Variants in FSTL5 observed in about 807,000 individuals in gnomAD.
FSTL5 encodes the protein follistatin like 5.
FSTL5 carries 62 observed loss-of-function variants against 89.1 expected under a neutral mutation model. The observed-to-expected ratio is 0.70, with a 90% CI of 0.57 to 0.86. The LOEUF (loss-of-function observed/expected upper bound fraction) is 0.86, where lower values mean the gene tolerates loss of function less well. Ranked by LOEUF, FSTL5 falls within the 40% of genes least tolerant of loss-of-function variation. The probability of loss-of-function intolerance (pLI) is 0.00; values close to 1 mark genes in which losing one functional copy is unlikely to be tolerated. For missense variants in FSTL5, 1,057 were observed against 1,001.6 expected (o/e 1.06, Z -0.75); for synonymous variants, 383 against 346.2 (o/e 1.11, Z -1.18).
At chr4:162,010,067 T>C (rs1441246240) in intron 3 of FSTL5, among the ~76,000 whole-genome samples, 3 of 152,064 alleles carry the variant, frequency 2.0e-5, no homozygotes, top group African/African-American at 7.2e-5. Flanking sequence ...TTCTGAATGA[T>C]TTCTTGATGC....
At chr4:161,950,535 A>T (rs1360631685) in intron 3 of FSTL5, among the ~76,000 whole-genome samples, 1 of 152,130 alleles carries the variant, frequency 6.6e-6, no homozygotes, top group Non-Finnish European at 1.5e-5. Context: ...CATCTTTCCC[A>T]GTTCATCTGC....
intron 6 of FSTL5, among the ~76,000 whole-genome samples, chr4:161,686,151 T>C (rs1406416435): frequency 6.6e-6 from 1 of 151,112 alleles, no homozygotes; most frequent in African/African-American, 2.4e-5. Context: ...TTGGATTTGG[T>C]TAGCTAGATT....
intron 3 of FSTL5, among the ~76,000 whole-genome samples, chr4:161,930,595 G>C (rs1394558552): frequency 6.6e-6 from 1 of 151,482 alleles, no homozygotes; most frequent in Non-Finnish European, 1.5e-5. Context: ...TTCAGGTTCA[G>C]AACACAGGGT....
chr4:161,504,768 T>C (rs1179842281), intron 11 of FSTL5, among the ~76,000 whole-genome samples: 2 of 152,050 alleles, frequency 1.3e-5, no homozygotes, highest in Non-Finnish European at 2.9e-5. Flanking sequence ...TAATGCACTT[T>C]CCTATCTCAA....
intron 6 of FSTL5, among the ~76,000 whole-genome samples, chr4:161,667,629 C>A (rs957163258): frequency 6.6e-6 from 1 of 152,166 alleles, no homozygotes; most frequent in South Asian, 2.1e-4. Context: ...GAATACATAT[C>A]ATTTGCTAAG....
intron 3 of FSTL5, among the ~76,000 whole-genome samples, chr4:162,000,790 T>C (rs1214345363): frequency 2.0e-5 from 3 of 152,056 alleles, no homozygotes; most frequent in Admixed American, 1.3e-4. Flanking sequence ...GTCATAATTA[T>C]AAACTATCTT....
At chr4:161,458,082 C>G (rs1330063259) in intron 14 of FSTL5, among the ~76,000 whole-genome samples, 1 of 150,128 alleles carries the variant, frequency 6.7e-6, no homozygotes, top group Admixed American at 6.6e-5. Context: ...CACAAGGCAC[C>G]CAGCTGAGCA....
At chr4:161,910,702 C>A (rs965139647) in intron 4 of FSTL5, among the ~76,000 whole-genome samples, 1 of 152,098 alleles carries the variant, frequency 6.6e-6, no homozygotes, top group African/African-American at 2.4e-5. Flanking sequence ...CTCTTTTGGA[C>A]AATCACAAAA....
intron 8 of FSTL5, among the ~76,000 whole-genome samples, chr4:161,580,308 C>T (rs2126598341): frequency 6.6e-6 from 1 of 152,222 alleles, no homozygotes; most frequent in Middle Eastern, 3.4e-3. Context: ...AAACATAGTG[C>T]CCACTAGTAA....
At chr4:161,897,120 A>C (rs2110776066) in intron 4 of FSTL5, among the ~76,000 whole-genome samples, 1 of 151,896 alleles carries the variant, frequency 6.6e-6, no homozygotes, top group African/African-American at 2.4e-5. Flanking sequence ...TAATAATATT[A>C]GATATCTTTA....
intron 12 of FSTL5, among the ~76,000 whole-genome samples, chr4:161,491,199 A>G (rs1729863413): frequency 6.6e-6 from 1 of 152,090 alleles, no homozygotes; most frequent in Non-Finnish European, 1.5e-5. Flanking sequence ...TTGAGAATTC[A>G]CAAAACCTGA....
chr4:161,619,421 T>A (rs961547025), intron 7 of FSTL5, among the ~76,000 whole-genome samples: 10 of 152,164 alleles, frequency 6.6e-5, no homozygotes, highest in Non-Finnish European at 8.8e-5. Context: ...AAATGGGAGA[T>A]AATTTTCCCA....
rs545673213 is a variant in FSTL5 at position 161,988,991 on chromosome 4, T to A, written c.160+44634A>T. 7.9e-5 allele frequency among the ~76,000 whole-genome samples: 12 copies of A among 152,286 alleles called. No individual in the cohort carries two copies. The South Asian group carries it at 2.5e-3, about 32-fold the overall frequency. The stretch of plus-strand genomic sequence containing the variant: ...TGGGGCAGATTGACAAAGTGTCTGA[T>A]GGGAAACTGTAATCATTTTGTGGAA... On this transcript the variant is annotated intron_variant, in intron 3 of 15. Transcript: ENST00000306100.
intron 4 of FSTL5, among the ~76,000 whole-genome samples, chr4:161,850,806 G>C (rs1294330182): frequency 6.6e-6 from 1 of 152,082 alleles, no homozygotes; most frequent in Non-Finnish European, 1.5e-5. Context: ...AAGAAAATGT[G>C]GTACATATAC....
At chr4:161,850,918 T>C (rs1731528717) in intron 4 of FSTL5, among the ~76,000 whole-genome samples, 2 of 152,224 alleles carry the variant, frequency 1.3e-5, no homozygotes. Flanking sequence ...GAAGGGAGAC[T>C]ATCTGGAAGA....
intron 11 of FSTL5, among the ~76,000 whole-genome samples, chr4:161,504,481 T>C (rs1393445068): frequency 6.6e-6 from 1 of 151,594 alleles, no homozygotes; most frequent in Non-Finnish European, 1.5e-5. Context: ...CGTTTTTGTT[T>C]TTTTTTTCCT....
intron 7 of FSTL5, among the ~76,000 whole-genome samples, chr4:161,641,499 G>T (rs116021464): frequency 0.014 from 2,011 of 144,610 alleles, 23 homozygotes; most frequent in Non-Finnish European, 0.023. Context: ...GGGTTTTTTT[G>T]TTTTGTTTTG....
At chr4:162,030,565 G>A (rs1280331413) in intron 3 of FSTL5, among the ~76,000 whole-genome samples, 1 of 152,162 alleles carries the variant, frequency 6.6e-6, no homozygotes, top group East Asian at 1.9e-4. Flanking sequence ...TGCAATAAAA[G>A]CAACTGAACT....
intron 3 of FSTL5, among the ~76,000 whole-genome samples, chr4:161,992,971 T>C (rs377717413): frequency 1.4e-5 from 2 of 139,094 alleles, no homozygotes; most frequent in African/African-American, 2.7e-5. Context: ...TATGTGTGTA[T>C]ATATATATAT....
Sources: allele counts gnomAD v4.1 joint callset (sites outside exome capture counted in the v4.1 genomes callset), GRCh38; gene constraint gnomAD v4.1.1; transcripts MANE v1.5; gene names NCBI Gene and HGNC (gene_info 2026-07-23, HGNC 2026-07-21).